The following KCNJ6 variants were observed in gnomAD, a reference collection of about 807,000 sequenced individuals.
The protein encoded by KCNJ6 is potassium inwardly rectifying channel subfamily J member 6.
A neutral mutation model predicts 34.2 loss-of-function variants in KCNJ6; 9 were observed. That is an observed-to-expected ratio of 0.26 (90% CI 0.16 to 0.46). KCNJ6 has a LOEUF of 0.46. KCNJ6 is among the 20% of genes least tolerant of loss of function. KCNJ6 has a pLI of 1.00. For synonymous variants in KCNJ6, 196 were observed against 207.1 expected, an observed-to-expected ratio of 0.95 and a Z score of 0.46; for missense variants, 236 against 531.3, an observed-to-expected ratio of 0.44 and a Z score of 5.46.
intron 2 of KCNJ6, among the ~76,000 whole-genome samples, chr21:37,832,647 A>T (rs2055431912): frequency 6.6e-6 from 1 of 152,000 alleles, no homozygotes; most frequent in South Asian, 2.1e-4. Flanking sequence ...CCCCGTGCCC[A>T]TCCTGGTCTG....
At chr21:37,671,265 A>G (rs958596833) in intron 3 of KCNJ6, among the ~76,000 whole-genome samples, 12 of 152,202 alleles carry the variant, frequency 7.9e-5, no homozygotes, top group African/African-American at 2.9e-4. Context: ...CCAATGGCCA[A>G]TGATATCATT....
chr21:37,759,060 C>T (rs934291382), intron 2 of KCNJ6, among the ~76,000 whole-genome samples: 2 of 152,240 alleles, frequency 1.3e-5, no homozygotes, highest in Admixed American at 6.5e-5. Flanking sequence ...CTCCTCTTGA[C>T]AGCCTCCTGG....
intron 1 of KCNJ6, among the ~76,000 whole-genome samples, chr21:37,901,834 G>A (rs1240916779): frequency 1.3e-5 from 2 of 152,188 alleles, no homozygotes; most frequent in African/African-American, 2.4e-5. Flanking sequence ...TCTGCCTTCT[G>A]AAGTAACACA....
chr21:37,777,545 T>C (rs1170902999), intron 2 of KCNJ6, among the ~76,000 whole-genome samples: 2 of 152,240 alleles, frequency 1.3e-5, no homozygotes, highest in African/African-American at 4.8e-5. Context: ...TTCTAGCACT[T>C]AGAATAGAGC....
At chr21:37,727,230 C>T (rs1295018695) in intron 2 of KCNJ6, among the ~76,000 whole-genome samples, 1 of 152,180 alleles carries the variant, frequency 6.6e-6, no homozygotes, top group Non-Finnish European at 1.5e-5. Context: ...GAGGATAAGT[C>T]TCTTTTGTTT....
intron 3 of KCNJ6, among the ~76,000 whole-genome samples, chr21:37,701,395 T>TTGTGTGTG (rs71198889): frequency 7.9e-4 from 120 of 151,508 alleles, no homozygotes; most frequent in African/African-American, 2.6e-3. Flanking sequence ...GGTTAACTTT[T>TTGTGTGTG]TGTGTGTGTG....
At chr21:37,773,336 A>T (rs544522700) in intron 2 of KCNJ6, among the ~76,000 whole-genome samples, 6 of 152,142 alleles carry the variant, frequency 3.9e-5, no homozygotes, top group African/African-American at 1.2e-4. Flanking sequence ...AAGTCACTCC[A>T]CTTCCTTGTC....
intron 2 of KCNJ6, among the ~76,000 whole-genome samples, chr21:37,834,534 C>T (rs772809316): frequency 3.3e-5 from 5 of 152,234 alleles, no homozygotes; most frequent in African/African-American, 7.2e-5. Flanking sequence ...CCAAATGTTG[C>T]GCCTGGTGCA....
At chr21:37,727,507 C>T (rs2054861098) in intron 2 of KCNJ6, among the ~76,000 whole-genome samples, 1 of 151,708 alleles carries the variant, frequency 6.6e-6, no homozygotes, top group African/African-American at 2.4e-5. Flanking sequence ...GCACATGTGT[C>T]ATGGGTGTAT....
chr21:37,710,439 C>T (rs2054745621), intron 3 of KCNJ6, among the ~76,000 whole-genome samples: 1 of 152,164 alleles, frequency 6.6e-6, no homozygotes, highest in South Asian at 2.1e-4. Context: ...GACGGGGACA[C>T]AGAGGTTAGT....
At chr21:37,796,221 A>C (rs1488195587) in intron 2 of KCNJ6, among the ~76,000 whole-genome samples, 1 of 152,200 alleles carries the variant, frequency 6.6e-6, no homozygotes. Context: ...ATGAATGAGC[A>C]AGCCTGAAGT....
intron 3 of KCNJ6, among the ~76,000 whole-genome samples, chr21:37,705,859 A>G (rs2054716838): frequency 1.3e-5 from 2 of 152,234 alleles, no homozygotes; most frequent in East Asian, 3.8e-4. Flanking sequence ...ACTTGTCAAA[A>G]TGTTAATGTG....
At chr21:37,776,001 T>C (rs1227915098) in intron 2 of KCNJ6, among the ~76,000 whole-genome samples, 2 of 152,214 alleles carry the variant, frequency 1.3e-5, no homozygotes, top group Non-Finnish European at 2.9e-5. Context: ...TGTTCTTCCA[T>C]TTGTTTGTAT....
At chr21:37,792,686 G>T (rs1025360421) in intron 2 of KCNJ6, among the ~76,000 whole-genome samples, 4 of 152,076 alleles carry the variant, frequency 2.6e-5, no homozygotes, top group Non-Finnish European at 4.4e-5. Context: ...TCTCAGCCAG[G>T]GTAAGTCACT....
At chr21:37,650,608 G>A (rs1489455654) in intron 3 of KCNJ6, among the ~76,000 whole-genome samples, 5 of 152,176 alleles carry the variant, frequency 3.3e-5, no homozygotes, top group African/African-American at 9.7e-5. Flanking sequence ...GCCTCTCTGA[G>A]CATCTCAGCC....
intron 2 of KCNJ6, among the ~76,000 whole-genome samples, chr21:37,745,696 G>A (rs79263788): frequency 0.074 from 11,249 of 152,246 alleles, 449 homozygotes; most frequent in African/African-American, 0.093. Context: ...GCAGATTCCC[G>A]TTCAATTCAA....
At chr21:37,893,306 C>G (rs1428352067) in intron 1 of KCNJ6, among the ~76,000 whole-genome samples, 3 of 152,026 alleles carry the variant, frequency 2.0e-5, no homozygotes, top group Non-Finnish European at 4.4e-5. Context: ...CACCTGTGTC[C>G]AAGCAATTCT....
intron 3 of KCNJ6, among the ~76,000 whole-genome samples, chr21:37,668,628 C>T (rs537742833): frequency 3.3e-5 from 5 of 152,276 alleles, no homozygotes; most frequent in South Asian, 2.1e-4. Context: ...CAGCAGCATC[C>T]GGAGGCCTGT....
intron 3 of KCNJ6, among the ~76,000 whole-genome samples, chr21:37,648,796 T>G (rs1166624118): frequency 6.6e-6 from 1 of 151,870 alleles, no homozygotes; most frequent in African/African-American, 2.4e-5. Context: ...GTTTTTAAAG[T>G]TTTTTTTAAA....
Sources: gnomAD v4.1 joint callset for allele counts (sites outside exome capture counted in the v4.1 genomes callset) on GRCh38, gnomAD v4.1.1 for gene constraint, MANE v1.5 for transcripts, NCBI Gene and HGNC (gene_info 2026-07-23, HGNC 2026-07-21) for gene names.